Variants in SF3B3 observed in about 807,000 individuals in gnomAD.
The protein encoded by SF3B3 is SAP 130.
A neutral mutation model predicts 139.2 loss-of-function variants in SF3B3; 33 were observed. That is an observed-to-expected ratio of 0.24 (90% CI 0.18 to 0.32). The LOEUF is 0.32. Among genes scored for constraint, SF3B3 ranks in the 10% least tolerant of loss-of-function variants. SF3B3 has a pLI of 1.00. For synonymous variants in SF3B3, 596 were observed against 563.6 expected (o/e 1.06, Z -0.81); for missense variants, 818 against 1,509.4 (o/e 0.54, Z 7.59).
At chr16:70,567,353 T>C in intron 20 of SF3B3, 58 bp from the exon 21 acceptor site, 1 of 1,560,854 alleles carries the variant, frequency 6.4e-7, no homozygotes, top group Non-Finnish European at 8.7e-7. Flanking sequence ...GGCAGAGAGG[T>C]GAGGCCTGTG....
At position 70,556,954 on chromosome 16, in the gene SF3B3, G is replaced by A. The variant is rs1485682130; in HGVS notation, c.1935G>A (p.Met645Ile). ...AQPESLCIVE[M>I]GGTEKQDELG... is the part of the protein sequence containing the mutation. ...CTGAGTCCTTGTGTATCGTGGAAAT[G>A]GGTGGGACTGAGAAGCAGGATGAGC... The change falls in exon 15 of 26, where the codon ATG becomes ATA. Residue 645 changes from methionine (M) to isoleucine (I), a missense_variant. Around this residue, in one of 14 missense-constraint regions of SF3B3, gnomAD observed 170 missense variants for 353.0 expected, o/e 0.48. Coordinates refer to ENST00000302516, the MANE Select transcript of SF3B3 (RefSeq NM_012426.5). The A allele has an allele frequency of 1.2e-6, 2 of 1,614,128 alleles. No homozygotes were observed. Among genetic ancestry groups the A allele is most frequent in the Non-Finnish European group, 1.7e-6 (2 of 1,180,010 alleles).
rs371368575 is a variant in SF3B3 at position 70,535,357 on chromosome 16, C to T, written c.762C>T (p.Asn254=). 1 of 1,612,202 alleles carries T rather than the reference C, an allele frequency of 6.2e-7. No homozygotes were observed. ...GTGGAGTACTGATCTGCTCTGAAAACTATATTACTTACAAGAACTTTGGTG... is the reference window on the plus strand; with the variant it reads ...GTGGAGTACTGATCTGCTCTGAAAATTATATTACTTACAAGAACTTTGGTG... ...GPSGVLICSE[N]YITYKNFGDQ... is the part of the protein sequence containing the mutation. Residue 254 remains asparagine (N), a synonymous_variant, in exon 6 of 26, where the codon AAC becomes AAT. Transcript: ENST00000302516.
Position 70,549,093 on chromosome 16 carries a change from T to C in SF3B3, c.1402+651T>C, listed in dbSNP as rs548263463. Among the ~76,000 whole-genome samples, 156 of 152,296 alleles carry C rather than the reference T, an allele frequency of 1.0e-3. 1 individual carries two copies. Among genetic ancestry groups the C allele is most frequent in the Non-Finnish European group, 1.8e-3 (121 of 67,998 alleles). ...TTGTGACAATTGAATTGCAGCCTCA[T>C]AGAAAGAAAGCTCAGTCTCATTTTC... On this transcript the variant is annotated intron_variant, in intron 11 of 25. Transcript: ENST00000302516.
rs2050554324 is a variant in SF3B3, at chr16:70,574,071, G to T, written c.*2258G>T. On this transcript the variant is annotated 3_prime_UTR_variant, in exon 26 of 26. Coordinates refer to ENST00000302516, the MANE Select transcript of SF3B3 (RefSeq NM_012426.5). The stretch of plus-strand genomic sequence containing the variant: ...AGTGCTGGTCCCCAGAATGTGTGCT[G>T]TTCCCACGCTGCTGCCTTTCTTGAG... The T allele has an allele frequency of 6.6e-6, 1 of 152,192 alleles. No individual in the cohort carries two copies. Among genetic ancestry groups the T allele is most frequent in the Non-Finnish European group, 1.5e-5 (1 of 68,044 alleles). The allele number at this position is 152,192 out of a possible 1,614,324, so 9.4% of individuals were successfully genotyped here.
At chr16:70,528,317 A>C (rs1349727150) in intron 2 of SF3B3, among the ~76,000 whole-genome samples, 1 of 151,190 alleles carries the variant, frequency 6.6e-6, no homozygotes, top group Non-Finnish European at 1.5e-5. Context: ...GGCACGTGCC[A>C]CCACACCTGG....
chr16:70,543,509 A>G (rs1244358317), intron 9 of SF3B3, among the ~76,000 whole-genome samples: 1 of 151,876 alleles, frequency 6.6e-6, no homozygotes, highest in Non-Finnish European at 1.5e-5. Context: ...GGAATTTGAG[A>G]CTGTCCTGGC....
At chr16:70,525,456 T>G (rs1014023162) in intron 1 of SF3B3, among the ~76,000 whole-genome samples, 7 of 152,160 alleles carry the variant, frequency 4.6e-5, no homozygotes, top group Admixed American at 1.3e-4. Context: ...TCCAAAGGTT[T>G]GTAATGGATT....
intron 23 of SF3B3, among the ~76,000 whole-genome samples, chr16:70,569,454 T>C (rs1020651467): frequency 2.6e-5 from 4 of 152,224 alleles, no homozygotes; most frequent in African/African-American, 9.7e-5. Context: ...GCCTAGTGAT[T>C]GCTGTTTTCT....
intron 5 of SF3B3, 115 bp downstream of exon 5, chr16:70,532,735 A>G (rs1395579201): frequency 2.2e-6 from 2 of 923,100 alleles, no homozygotes; most frequent in East Asian, 5.5e-5. Context: ...GAACCTGAAT[A>G]CCTTATCTTT....
At chr16:70,539,509 C>T (rs1393164207) in intron 8 of SF3B3, among the ~76,000 whole-genome samples, 1 of 151,916 alleles carries the variant, frequency 6.6e-6, no homozygotes, top group Non-Finnish European at 1.5e-5. Flanking sequence ...GATCACGCCA[C>T]TGCACTCCAG....
At chr16:70,566,532 A>G (rs535954293) in intron 20 of SF3B3, among the ~76,000 whole-genome samples, 2 of 152,324 alleles carry the variant, frequency 1.3e-5, no homozygotes, top group South Asian at 4.2e-4. Context: ...ACTGCACTCC[A>G]GCGTGGGTGA....
chr16:70,565,322 T>C (rs765493980), intron 19 of SF3B3, 46 bp from the exon 20 acceptor site: 1 of 1,613,578 alleles, frequency 6.2e-7, no homozygotes, highest in South Asian at 1.1e-5. Flanking sequence ...AGGAGCTCTC[T>C]GAGTTTTGAC....
intron 3 of SF3B3, 46 bp from the exon 4 acceptor site, chr16:70,530,699 T>C: frequency 6.6e-7 from 1 of 1,508,292 alleles, no homozygotes; most frequent in Non-Finnish European, 9.1e-7. Flanking sequence ...AAGTCTCTCT[T>C]CTCATTATCT....
chr16:70,557,089 CTTTG>C (rs1181103384), intron 15 of SF3B3, 60 bp downstream of exon 15: 13 of 1,490,616 alleles, frequency 8.7e-6, no homozygotes, highest in South Asian at 1.3e-5. Flanking sequence ...TCACACACTC[CTTTG>C]TTTGATAACA....
Position 70,564,057 on chromosome 16 carries a change from A to G in SF3B3, c.2463+7A>G. Reference sequence around the variant, plus strand: ...AAAGCAGCAGATGGCAGAGGTAATGAGACTAACGTTCAGGGGTTCTATTAA... The same window carrying G: ...AAAGCAGCAGATGGCAGAGGTAATGGGACTAACGTTCAGGGGTTCTATTAA... On this transcript the variant is annotated splice_region_variant and intron_variant, in intron 18 of 25. Coordinates refer to ENST00000302516, the MANE Select transcript of SF3B3 (RefSeq NM_012426.5). The G allele has an allele frequency of 6.2e-7, 1 of 1,612,982 alleles. No individual in the cohort carries two copies. The highest frequency in any genetic ancestry group is 1.3e-5 in the African/African-American group (1 of 74,978).
At chr16:70,537,700 T>A (rs904276938) in intron 6 of SF3B3, among the ~76,000 whole-genome samples, 1 of 152,192 alleles carries the variant, frequency 6.6e-6, no homozygotes, top group African/African-American at 2.4e-5. Flanking sequence ...AGGCACTGTA[T>A]TTGGCTTTGC....
intron 15 of SF3B3, among the ~76,000 whole-genome samples, chr16:70,558,927 T>C (rs998634794): frequency 1.3e-5 from 2 of 152,192 alleles, no homozygotes; most frequent in Admixed American, 6.5e-5. Flanking sequence ...CACATGTGGC[T>C]TGGGGTAGCT....
intron 18 of SF3B3, among the ~76,000 whole-genome samples, chr16:70,564,462 A>G (rs919393538): frequency 2.0e-5 from 3 of 152,210 alleles, no homozygotes; most frequent in Admixed American, 2.0e-4. Flanking sequence ...TTTGCCCCAA[A>G]GTACTTCATT....
At chr16:70,569,601 A>G (rs1312786806) in intron 23 of SF3B3, among the ~76,000 whole-genome samples, 3 of 152,218 alleles carry the variant, frequency 2.0e-5, no homozygotes, top group African/African-American at 4.8e-5. Flanking sequence ...TGAGAATTTT[A>G]AAATATTTGT....
Sources: allele counts gnomAD v4.1 joint callset (sites outside exome capture counted in the v4.1 genomes callset), GRCh38; gene constraint gnomAD v4.1.1; regional missense constraint gnomAD v4.1.1; transcripts MANE v1.5; gene names NCBI Gene and HGNC (gene_info 2026-07-23, HGNC 2026-07-21).